SUGCT: variants seen among roughly 807,000 people sequenced by gnomAD.
The protein encoded by SUGCT is succinyl-CoA:glutarate CoA-transferase.
A neutral mutation model predicts 55.0 loss-of-function variants in SUGCT; 41 were observed. That is an observed-to-expected ratio of 0.74 (90% CI 0.58 to 0.97). The LOEUF (loss-of-function observed/expected upper bound fraction) is 0.97. Ranked by LOEUF, SUGCT falls within the 50% of genes least tolerant of loss-of-function variation. SUGCT has a pLI of 0.00. For synonymous variants in SUGCT, 187 were observed against 200.4 expected (o/e 0.93, Z 0.56); for missense variants, 568 against 547.8 (o/e 1.04, Z -0.37).
intron 1 of SUGCT, among the ~76,000 whole-genome samples, chr7:40,145,258 C>A (rs1788184122): frequency 6.6e-6 from 1 of 152,184 alleles, no homozygotes; most frequent in African/African-American, 2.4e-5. Flanking sequence ...ACTTTCCTTA[C>A]ACACCTTGCA....
At chr7:40,486,229 C>G (rs919205327) in intron 11 of SUGCT, among the ~76,000 whole-genome samples, 20 of 152,032 alleles carry the variant, frequency 1.3e-4, no homozygotes, top group Non-Finnish European at 2.5e-4. Context: ...AGGAATGTAT[C>G]TGTTTCTTCT....
intron 7 of SUGCT, among the ~76,000 whole-genome samples, chr7:40,244,874 G>T (rs1789712255): frequency 6.6e-6 from 1 of 152,014 alleles, no homozygotes; most frequent in Admixed American, 6.6e-5. Context: ...TGATTATGTT[G>T]GGACATAAAC....
At chr7:40,642,585 T>A (rs1342235697) in intron 12 of SUGCT, among the ~76,000 whole-genome samples, 1 of 152,138 alleles carries the variant, frequency 6.6e-6, no homozygotes, top group East Asian at 1.9e-4. Flanking sequence ...AGAGGCAGAA[T>A]CAGGGATGAA....
chr7:40,379,381 T>G (rs548454019), intron 9 of SUGCT, among the ~76,000 whole-genome samples: 47 of 152,358 alleles, frequency 3.1e-4, no homozygotes, highest in African/African-American at 1.1e-3. Flanking sequence ...CAAGGACAAT[T>G]TCTATTGACT....
intron 12 of SUGCT, among the ~76,000 whole-genome samples, chr7:40,616,397 T>C (rs1463382241): frequency 6.6e-5 from 10 of 152,002 alleles, no homozygotes; most frequent in African/African-American, 2.4e-4. Context: ...GGTTTTGCCA[T>C]GTTGGCCAGG....
intron 13 of SUGCT, among the ~76,000 whole-genome samples, chr7:40,831,221 A>C (rs542090470): frequency 6.6e-6 from 1 of 152,198 alleles, no homozygotes; most frequent in African/African-American, 2.4e-5. Flanking sequence ...GTGTAGGCTC[A>C]CCCAATGTTT....
At chr7:40,189,042 G>A (rs1280803354) in intron 4 of SUGCT, among the ~76,000 whole-genome samples, 1 of 152,094 alleles carries the variant, frequency 6.6e-6, no homozygotes, top group Non-Finnish European at 1.5e-5. Context: ...TTTCTTGTCA[G>A]CAATAAGAAG....
intron 6 of SUGCT, among the ~76,000 whole-genome samples, chr7:40,216,131 G>C (rs903785804): frequency 7.9e-6 from 1 of 126,432 alleles, no homozygotes; most frequent in African/African-American, 3.1e-5. Flanking sequence ...TTTTTAACTT[G>C]TTTTGGGAAA....
chr7:40,743,718 A>G (rs1213388946), intron 12 of SUGCT, among the ~76,000 whole-genome samples: 1 of 152,156 alleles, frequency 6.6e-6, no homozygotes. Context: ...AAAGCCACAC[A>G]TCTTGTACCT....
intron 12 of SUGCT, among the ~76,000 whole-genome samples, chr7:40,624,797 ACAC>A (rs1799441698): frequency 6.8e-6 from 1 of 147,114 alleles, no homozygotes; most frequent in South Asian, 2.1e-4. Context: ...ACACACACAC[ACAC>A]ACACACACAC....
At chr7:40,327,380 A>G (rs556725014) in intron 9 of SUGCT, among the ~76,000 whole-genome samples, 2 of 152,378 alleles carry the variant, frequency 1.3e-5, no homozygotes, top group African/African-American at 4.8e-5. Context: ...CAGCTGCGGC[A>G]TAATAGCTGC....
At position 40,510,360 on chromosome 7, in the gene SUGCT, A is replaced by G. The variant is rs139507954; in HGVS notation, c.1089+13974A>G. 7.2e-3 allele frequency among the ~76,000 whole-genome samples: 1,102 copies of G among 152,266 alleles called. 17 individuals carry two copies. Among genetic ancestry groups the G allele is most frequent in the African/African-American group, 0.025 (1,035 of 41,544 alleles). ...TTCCTTAAATATCATTTTTCTATAT[A>G]AGGCATTTGATAGTTATCTAGCACT... On this transcript the variant is annotated intron_variant, in intron 12 of 13. Coordinates refer to ENST00000335693, the MANE Select transcript of SUGCT (RefSeq NM_001193313.2).
At chr7:40,389,309 C>G (rs1785284558) in intron 9 of SUGCT, among the ~76,000 whole-genome samples, 1 of 151,920 alleles carries the variant, frequency 6.6e-6, no homozygotes. Context: ...ATGAGCTGGG[C>G]ACGGTGGCAG....
intron 11 of SUGCT, among the ~76,000 whole-genome samples, chr7:40,493,978 C>T (rs922592242): frequency 3.9e-5 from 6 of 152,176 alleles, no homozygotes; most frequent in Non-Finnish European, 5.9e-5. Context: ...CACGCAAAGA[C>T]GCAAACAGTG....
chr7:40,217,465 G>A (rs1208486064), intron 6 of SUGCT: 2 of 444,162 alleles, frequency 4.5e-6, no homozygotes, highest in Non-Finnish European at 9.1e-6. Flanking sequence ...GCCGGCTCTG[G>A]TCTCCCAAAG....
At chr7:40,439,064 G>GTGTGTATATA (rs1283539157) in intron 9 of SUGCT, among the ~76,000 whole-genome samples, 13 of 27,194 alleles carry the variant, frequency 4.8e-4, no homozygotes, top group South Asian at 1.9e-3. Flanking sequence ...TATATATGGT[G>GTGTGTATATA]TATATATATA....
chr7:40,173,749 T>C (rs952158746), intron 1 of SUGCT, among the ~76,000 whole-genome samples: 2 of 152,040 alleles, frequency 1.3e-5, no homozygotes, highest in Non-Finnish European at 2.9e-5. Context: ...GAAATCCAGC[T>C]AGTCCTGTCT....
In SUGCT at chr7:40,540,518, A is replaced by G. The variant is rs141952767; in HGVS notation, c.1089+44132A>G. Among the ~76,000 whole-genome samples, 4 of 152,322 alleles carry G rather than the reference A, an allele frequency of 2.6e-5. No individual in the cohort carries two copies. In the East Asian group the frequency reaches 7.7e-4, roughly 29 times the overall value. Reference sequence around the variant, plus strand: ...GTTAATTAGGTGTAAGACCATTGTCACTCTGTCCTTACCAGGAAAGTTACA... The same window carrying G: ...GTTAATTAGGTGTAAGACCATTGTCGCTCTGTCCTTACCAGGAAAGTTACA... On this transcript the variant is annotated intron_variant, in intron 12 of 13. Transcript: ENST00000335693.
At chr7:40,135,216 C>G (rs1046656885) in intron 1 of SUGCT, 96 bp downstream of exon 1, 1 of 1,367,596 alleles carries the variant, frequency 7.3e-7, no homozygotes, top group African/African-American at 1.5e-5. Flanking sequence ...TCTGAAGTCT[C>G]TGCTGACCCC....
Sources: allele counts gnomAD v4.1 joint callset (sites outside exome capture counted in the v4.1 genomes callset), GRCh38; gene constraint gnomAD v4.1.1; transcripts MANE v1.5; gene names NCBI Gene and HGNC (gene_info 2026-07-23, HGNC 2026-07-21).